The following GMDS variants were observed in gnomAD, a reference collection of about 807,000 sequenced individuals.
GMDS encodes GDP-mannose 4,6-dehydratase.
GMDS carries 20 observed loss-of-function variants against 49.9 expected under a neutral mutation model. The ratio of observed to expected loss-of-function variants is 0.40; its 90% CI spans 0.28 to 0.58. The LOEUF (loss-of-function observed/expected upper bound fraction) is 0.58, where lower values mean the gene tolerates loss of function less well. Ranked by LOEUF, GMDS falls within the 20% of genes least tolerant of loss-of-function variation. The probability of loss-of-function intolerance (pLI) is 0.42; values close to 1 mark genes in which losing one functional copy is unlikely to be tolerated. For missense variants in GMDS, 362 were observed against 481.4 expected (o/e 0.75, Z 2.32); for synonymous variants, 177 against 178.6 (o/e 0.99, Z 0.07).
At chr6:1,965,643 C>G (rs1764220511) in intron 4 of GMDS, among the ~76,000 whole-genome samples, 1 of 151,896 alleles carries the variant, frequency 6.6e-6, no homozygotes, top group African/African-American at 2.4e-5. Flanking sequence ...GGAAACACAG[C>G]AAGGTCCTAT....
chr6:2,114,426 C>T (rs1258950253), intron 4 of GMDS, among the ~76,000 whole-genome samples: 1 of 152,134 alleles, frequency 6.6e-6, no homozygotes, highest in Non-Finnish European at 1.5e-5. Context: ...TAAAAAGTCA[C>T]CGCTTCTCTA....
At chr6:1,933,819 C>T (rs1217325560) in intron 6 of GMDS, among the ~76,000 whole-genome samples, 1 of 152,152 alleles carries the variant, frequency 6.6e-6, no homozygotes, top group Non-Finnish European at 1.5e-5. Flanking sequence ...ATTCTGTAGG[C>T]TGACTTTTCA....
chr6:1,998,654 C>A (rs1486943426), intron 4 of GMDS, among the ~76,000 whole-genome samples: 1 of 152,066 alleles, frequency 6.6e-6, no homozygotes, highest in African/African-American at 2.4e-5. Flanking sequence ...CTACAGTGTA[C>A]CAATTATTTA....
intron 4 of GMDS, among the ~76,000 whole-genome samples, chr6:2,072,277 G>A (rs1581610351): frequency 6.6e-6 from 1 of 152,230 alleles, no homozygotes; most frequent in South Asian, 2.1e-4. Flanking sequence ...AAAGAAAGGG[G>A]AGCAAATCTC....
chr6:2,030,333 G>A (rs1277760000), intron 4 of GMDS, among the ~76,000 whole-genome samples: 1 of 152,146 alleles, frequency 6.6e-6, no homozygotes, highest in African/African-American at 2.4e-5. Flanking sequence ...AAAAGATAAG[G>A]GAGGCAAATC....
intron 8 of GMDS, among the ~76,000 whole-genome samples, chr6:1,730,566 C>T (rs1035346785): frequency 3.3e-5 from 5 of 152,136 alleles, no homozygotes; most frequent in Non-Finnish European, 7.4e-5. Flanking sequence ...CTGAAGGCTA[C>T]AGGCTCAGTG....
At chr6:1,991,788 G>C (rs1393929872) in intron 4 of GMDS, among the ~76,000 whole-genome samples, 2 of 152,328 alleles carry the variant, frequency 1.3e-5, no homozygotes, top group East Asian at 1.9e-4. Context: ...TTTGTAATTA[G>C]AGTACCTGCC....
At chr6:1,704,213 A>G (rs1419155768) in intron 9 of GMDS, among the ~76,000 whole-genome samples, 3 of 151,688 alleles carry the variant, frequency 2.0e-5, no homozygotes, top group East Asian at 1.9e-4. Context: ...CTGGCTGTAA[A>G]TGTAACAGAG....
intron 4 of GMDS, among the ~76,000 whole-genome samples, chr6:2,084,600 G>A (rs900883520): frequency 1.4e-4 from 21 of 152,046 alleles, no homozygotes; most frequent in African/African-American, 4.3e-4. Context: ...TCCGCCTCCC[G>A]GGTTCACACC....
intron 4 of GMDS, among the ~76,000 whole-genome samples, chr6:2,048,657 C>T (rs998587366): frequency 6.6e-6 from 1 of 152,206 alleles, no homozygotes; most frequent in Non-Finnish European, 1.5e-5. Context: ...TCCCACTGAT[C>T]ACCATCATAT....
intron 4 of GMDS, among the ~76,000 whole-genome samples, chr6:1,980,896 A>G (rs956617648): frequency 3.9e-5 from 6 of 152,182 alleles, no homozygotes; most frequent in Admixed American, 2.6e-4. Context: ...TCAAAACTAC[A>G]CAACTATTAA....
chr6:2,177,820 A>G (rs769656575), intron 1 of GMDS, among the ~76,000 whole-genome samples: 2 of 152,168 alleles, frequency 1.3e-5, no homozygotes, highest in Non-Finnish European at 2.9e-5. Flanking sequence ...ATCCTACCAA[A>G]AAGACATGCA....
At chr6:2,119,854 C>G (rs985264116) in intron 2 of GMDS, among the ~76,000 whole-genome samples, 2 of 152,160 alleles carry the variant, frequency 1.3e-5, no homozygotes, top group East Asian at 3.8e-4. Flanking sequence ...TCATGTCCCA[C>G]TTAACAAGGT....
At chr6:1,764,882 C>T (rs181942426) in intron 7 of GMDS, among the ~76,000 whole-genome samples, 10 of 152,100 alleles carry the variant, frequency 6.6e-5, no homozygotes, top group African/African-American at 1.7e-4. Flanking sequence ...TCTCAACATG[C>T]GGGTTTTTGC....
intron 9 of GMDS, among the ~76,000 whole-genome samples, chr6:1,678,791 T>G (rs1279048985): frequency 1.3e-5 from 2 of 152,222 alleles, no homozygotes; most frequent in Non-Finnish European, 2.9e-5. Flanking sequence ...AAAATATATT[T>G]TCAGGCATCT....
chr6:1,792,643 C>G (rs145359111), intron 7 of GMDS, among the ~76,000 whole-genome samples: 1 of 152,114 alleles, frequency 6.6e-6, no homozygotes, highest in African/African-American at 2.4e-5. Context: ...AGGATAATTA[C>G]ATTAAAAATG....
chr6:1,980,639 T>A (rs1765171446), intron 4 of GMDS, among the ~76,000 whole-genome samples: 1 of 152,164 alleles, frequency 6.6e-6, no homozygotes, highest in African/African-American at 2.4e-5. Context: ...ATTAGACAGA[T>A]CATCAAAACA....
At chr6:2,066,291 C>T (rs1473077170) in intron 4 of GMDS, among the ~76,000 whole-genome samples, 2 of 148,718 alleles carry the variant, frequency 1.3e-5, no homozygotes, top group African/African-American at 2.5e-5. Context: ...AAGGAACAAC[C>T]GGTACCAGCC....
chr6:1,811,548 A>G (rs1367849503), intron 7 of GMDS, among the ~76,000 whole-genome samples: 1 of 146,020 alleles, frequency 6.8e-6, no homozygotes, highest in African/African-American at 2.5e-5. Flanking sequence ...TATTTAGACT[A>G]GTCAAGCTTT....
Sources: allele counts gnomAD v4.1 joint callset (sites outside exome capture counted in the v4.1 genomes callset), GRCh38; gene constraint gnomAD v4.1.1; transcripts MANE v1.5; gene names NCBI Gene and HGNC (gene_info 2026-07-23, HGNC 2026-07-21).